Variants in PRSS23 observed in about 807,000 individuals in gnomAD.
PRSS23 encodes protease, serine 23.
A neutral mutation model predicts 34.7 loss-of-function variants in PRSS23; 25 were observed. The ratio of observed to expected loss-of-function variants is 0.72; its 90% CI spans 0.53 to 1.01. PRSS23 has a LOEUF of 1.01. PRSS23 is among the 50% of genes least tolerant of loss of function. The pLI is 0.00. For synonymous variants in PRSS23, 176 were observed against 186.6 expected, an observed-to-expected ratio of 0.94 and a Z score of 0.46; for missense variants, 445 against 475.6, an observed-to-expected ratio of 0.94 and a Z score of 0.60.
At chr11:86,813,403 G>A (rs551304936), downstream of PRSS23, among the ~76,000 whole-genome samples, 1 of 152,272 alleles carries the variant, frequency 6.6e-6, no homozygotes, top group East Asian at 1.9e-4. Context: ...AGACAGATGG[G>A]GAAGAGTTCA....
At chr11:86,827,236 C>T (rs868671766) in intron 2 of PRSS23, among the ~76,000 whole-genome samples, 5 of 152,148 alleles carry the variant, frequency 3.3e-5, no homozygotes, top group Non-Finnish European at 5.9e-5. Flanking sequence ...GTGTATGCAT[C>T]GAGGAATTTA....
At chr11:86,874,582 CTCT>C (rs1399777574) in intron 2 of PRSS23, among the ~76,000 whole-genome samples, 4 of 152,230 alleles carry the variant, frequency 2.6e-5, no homozygotes, top group Non-Finnish European at 5.9e-5. Flanking sequence ...CAGTAGATTT[CTCT>C]TCTTCCAAAA....
chr11:86,797,234 C>A (rs562800559), upstream of PRSS23, among the ~76,000 whole-genome samples: 28 of 152,258 alleles, frequency 1.8e-4, no homozygotes, highest in Non-Finnish European at 3.8e-4. Context: ...CCCCGACCCC[C>A]TCCCCACTGG....
chr11:86,827,217 C>G (rs1200496633), intron 2 of PRSS23, among the ~76,000 whole-genome samples: 1 of 152,168 alleles, frequency 6.6e-6, no homozygotes, highest in Admixed American at 6.5e-5. Context: ...CTGGTTTAGT[C>G]TTGGGAGGGT....
exon 3 of PRSS23, chr11:86,952,032 G>C: frequency 6.2e-7 from 1 of 1,614,088 alleles, no homozygotes; most frequent in Non-Finnish European, 8.5e-7. Context: ...GAATCGATCA[G>C]GAAGGTCAGT....
intron 2 of PRSS23, among the ~76,000 whole-genome samples, chr11:86,870,255 G>A (rs1435823937): frequency 1.8e-5 from 2 of 110,262 alleles, no homozygotes; most frequent in Non-Finnish European, 3.6e-5. Flanking sequence ...TTTTAAGGGA[G>A]GGGAAAAAAC....
At chr11:86,876,778 G>A (rs1948727490) in intron 2 of PRSS23, among the ~76,000 whole-genome samples, 1 of 151,736 alleles carries the variant, frequency 6.6e-6, no homozygotes, top group Non-Finnish European at 1.5e-5. Flanking sequence ...GCAACCTATG[G>A]GCCCATGCAA....
chr11:86,793,109 G>C (rs534687761), intron 1 of PRSS23, among the ~76,000 whole-genome samples: 13 of 152,260 alleles, frequency 8.5e-5, no homozygotes, highest in African/African-American at 3.1e-4. Flanking sequence ...TTCTTTAGAA[G>C]GCTTCTATAT....
At chr11:86,816,001 A>G (rs1421808750), downstream of PRSS23, among the ~76,000 whole-genome samples, 1 of 152,134 alleles carries the variant, frequency 6.6e-6, no homozygotes, top group Admixed American at 6.5e-5. Context: ...CCTATTGACT[A>G]GATGCTGGTT....
At chr11:86,899,364 C>T (rs974375199) in intron 2 of PRSS23, among the ~76,000 whole-genome samples, 1 of 152,046 alleles carries the variant, frequency 6.6e-6, no homozygotes, top group Non-Finnish European at 1.5e-5. Context: ...ACAAAACATA[C>T]AAAAATTAGC....
At chr11:86,869,686 A>G (rs1236053565) in intron 2 of PRSS23, among the ~76,000 whole-genome samples, 1 of 152,196 alleles carries the variant, frequency 6.6e-6, no homozygotes, top group Non-Finnish European at 1.5e-5. Context: ...TAGCTGCCTC[A>G]TCATGCATCA....
At position 86,945,965 on chromosome 11, in the gene PRSS23, A is replaced by T. The variant is rs376559208; in HGVS notation, c.207-5251A>T. The T allele has an allele frequency of 2.4e-4, 36 of 152,738 alleles. 1 individual carries two copies. Among genetic ancestry groups the T allele is most frequent in the African/African-American group, 8.7e-4 (36 of 41,566 alleles). 9.5% of individuals were successfully genotyped at this position (152,738 alleles called of 1,614,324 possible). A position where few individuals can be genotyped will look rare whatever the true frequency, so the allele number is the denominator to read the frequency against. On this transcript the variant is annotated intron_variant, in intron 2 of 2. Transcript: ENST00000533902. ...GAGGACCCAAGAAAGGCCACAGAGC[A>T]TCCAGCCCGACTGCTGCACAGAGCA...
chr11:86,848,820 G>T (rs1948507352), intron 2 of PRSS23, among the ~76,000 whole-genome samples: 1 of 152,182 alleles, frequency 6.6e-6, no homozygotes, highest in Admixed American at 6.5e-5. Flanking sequence ...CCTTAGTCTT[G>T]GCTCTCAGAC....
At chr11:86,824,842 A>G (rs966689656) in intron 2 of PRSS23, among the ~76,000 whole-genome samples, 3 of 152,042 alleles carry the variant, frequency 2.0e-5, no homozygotes, top group South Asian at 4.1e-4. Context: ...GTATTCCATG[A>G]TGTATATGTG....
chr11:86,951,447 T>C, exon 3 of PRSS23: 1 of 1,613,808 alleles, frequency 6.2e-7, no homozygotes, highest in South Asian at 1.1e-5. Context: ...AACACCCCAA[T>C]CTTGACCATC....
At position 86,917,048 on chromosome 11, in the gene PRSS23, G is replaced by A. The variant is rs905588637; in HGVS notation, c.207-34168G>A. ...CAATTAAATTTGTGGAGCCGGGCGC[G>A]GTCGCTCACGCCTGTAATCCCAGCA... On this transcript the variant is annotated intron_variant, in intron 2 of 2. Coordinates refer to the PRSS23 transcript ENST00000533902. 3.0e-4 allele frequency among the ~76,000 whole-genome samples: 46 copies of A among 152,194 alleles called. 1 individual carries two copies. The highest frequency in any genetic ancestry group is 8.8e-5 in the Non-Finnish European group (6 of 68,036).
chr11:86,822,077 A>C (rs1399240734), intron 1 of PRSS23, among the ~76,000 whole-genome samples: 1 of 152,250 alleles, frequency 6.6e-6, no homozygotes, highest in African/African-American at 2.4e-5. Flanking sequence ...TAATGAATAT[A>C]AAGTGACCAG....
At chr11:86,823,532 G>A (rs1050724524) in exon 2 of PRSS23, 1 of 702,584 alleles carries the variant, frequency 1.4e-6, no homozygotes, top group Non-Finnish European at 2.6e-6. Flanking sequence ...GCTAGAAGCA[G>A]AGACACCAGG....
At chr11:86,951,887 G>T (rs1949295553) in exon 3 of PRSS23, 1 of 1,613,682 alleles carries the variant, frequency 6.2e-7, no homozygotes, top group East Asian at 2.2e-5. Context: ...GATGAGAACA[G>T]GTTCTGCTGC....
Sources: gnomAD v4.1 joint callset for allele counts (sites outside exome capture counted in the v4.1 genomes callset) on GRCh38, gnomAD v4.1.1 for gene constraint, MANE v1.5 for transcripts, NCBI Gene and HGNC (gene_info 2026-07-23, HGNC 2026-07-21) for gene names.